MYH1: variants seen among roughly 807,000 people sequenced by gnomAD.
The protein encoded by MYH1 is myosin-1.
In MYH1, 214 loss-of-function variants were observed where a neutral mutation model predicts 225.6. The ratio of observed to expected loss-of-function variants is 0.95; its 90% confidence interval spans 0.85 to 1.06. The LOEUF is 1.06. Among genes scored for constraint, MYH1 ranks in the 50% least tolerant of loss-of-function variants. The pLI, the probability that MYH1 is intolerant of heterozygous loss-of-function variation, is 0.00. For missense variants in MYH1, 2,098 were observed against 2,344.2 expected (o/e 0.89, Z 2.17); for synonymous variants, 774 against 842.3 (o/e 0.92, Z 1.40).
At chr17:10,504,781 A>G in intron 22 of MYH1, 29 bp downstream of exon 22, 1 of 1,611,850 alleles carries the variant, frequency 6.2e-7, no homozygotes, top group Non-Finnish European at 8.5e-7. Context: ...TTAGCATCAG[A>G]TTGCAGGAAA....
Position 10,496,354 on chromosome 17 carries a change from G to A in MYH1, c.4852C>T (p.Leu1618Phe), listed in dbSNP as rs201498285. Residue 1618 changes from leucine to phenylalanine, a missense_variant, in exon 34 of 40, where the codon CTC (leucine) becomes TTC (phenylalanine). Physicochemically the swap from Leu to Phe is conservative, Grantham distance 22. Coordinates refer to ENST00000226207, the MANE Select transcript of MYH1 (RefSeq NM_005963.4). Reference protein sequence around the residue: ...EIRSRNDAIRLKKKMEGDLNE... With the variant: ...EIRSRNDAIRFKKKMEGDLNE... ...AGGTCTCCCTCCATCTTCTTCTTGAGCCTAATGGCATCATTCCTGCTCCTG... is the reference window on the plus strand; with the variant it reads ...AGGTCTCCCTCCATCTTCTTCTTGAACCTAATGGCATCATTCCTGCTCCTG... 10 of 1,613,990 alleles carry A rather than the reference G, an allele frequency of 6.2e-6. No individual in the cohort carries two copies. The highest frequency in any genetic ancestry group is 5.1e-6 in the Non-Finnish European group (6 of 1,180,018).
chr17:10,507,810 G>T, intron 17 of MYH1, 76 bp downstream of exon 17: 1 of 1,215,744 alleles, frequency 8.2e-7, no homozygotes, highest in South Asian at 1.3e-5. Flanking sequence ...TCCTTGCAAG[G>T]TTAGTTTTTT....
chr17:10,497,127 A>G lies in MYH1; in HGVS notation c.4598T>C (p.Ile1533Thr), dbSNP rs773410516. The G allele has an allele frequency of 3.1e-6, 5 of 1,613,614 alleles. No homozygotes were observed. Among genetic ancestry groups the G allele is most frequent in the South Asian group, 1.1e-5 (1 of 91,056 alleles). The change falls in exon 33 of 40, where the codon ATA becomes ACA. Residue 1533 changes from isoleucine to threonine, a missense_variant. Coordinates refer to ENST00000226207, the MANE Select transcript of MYH1 (RefSeq NM_005963.4). ...CTTTTCTTGCTCAACTTGCTTCTTT[A>G]TTTTTTCCAGTTCATGGATGCGCTT... Reference protein sequence around the residue: ...GGKRIHELEKIKKQVEQEKSE... With the variant: ...GGKRIHELEKTKKQVEQEKSE...
chr17:10,500,777 C>A, intron 27 of MYH1, 25 bp from the exon 28 acceptor site: 1 of 1,613,972 alleles, frequency 6.2e-7, no homozygotes, highest in Non-Finnish European at 8.5e-7. Flanking sequence ...TGGTAGAAGG[C>A]ATCTCAAGTA....
At chr17:10,503,314 T>G in intron 22 of MYH1, 66 bp from the exon 23 acceptor site, 3 of 1,576,642 alleles carry the variant, frequency 1.9e-6, no homozygotes, top group Non-Finnish European at 2.6e-6. Context: ...ATTTTATTAA[T>G]ATTTTGAAAC....
In MYH1 at chr17:10,516,568, A is replaced by C. The variant is rs772613952; in HGVS notation, c.75T>G (p.Ile25Met). 8.7e-6 allele frequency: 14 copies of C among 1,614,030 alleles called. No individual in the cohort carries two copies. Among genetic ancestry groups the C allele is most frequent in the Middle Eastern group, 3.3e-4 (2 of 6,084 alleles). ...CATCAAAAGGCTTGTTCTGGGCTTC[A>C]ATTCGCTCCCTTTCAGACTTTCGGA... ...PFLRKSERER[I>M]EAQNKPFDAK... Residue 25 changes from isoleucine (I) to methionine (M), a missense_variant, in exon 3 of 40, where the codon ATT (isoleucine) becomes ATG (methionine). Transcript: ENST00000226207.
At chr17:10,512,306 G>C in intron 12 of MYH1, 102 bp downstream of exon 12, 1 of 1,597,796 alleles carries the variant, frequency 6.3e-7, no homozygotes, top group Non-Finnish European at 8.6e-7. Context: ...GTACATCTGA[G>C]TATGTCCATC....
rs1258220170 is a variant in MYH1 at position 10,495,120 on chromosome 17, GA to G, written c.5296-20del. On this transcript the variant is annotated intron_variant, in intron 36 of 39. Coordinates refer to ENST00000226207, the MANE Select transcript of MYH1 (RefSeq NM_005963.4). ...TGGCAGCCTAATTAGCAGTAAAACA[GA>G]ATGGGTTAAGACAGCTAAGACAGCA... The G allele has an allele frequency of 6.2e-7, 1 of 1,614,044 alleles. No homozygotes were observed. Among genetic ancestry groups the G allele is most frequent in the African/African-American group, 1.3e-5 (1 of 74,910 alleles).
chr17:10,501,289 G>T lies in MYH1; in HGVS notation c.3559C>A (p.Leu1187Ile). 6.2e-7 allele frequency: 1 copy of T among 1,614,164 alleles called. No homozygotes were observed. Among genetic ancestry groups the T allele is most frequent in the Non-Finnish European group, 8.5e-7 (1 of 1,180,022 alleles). The change falls in exon 27 of 40, where the codon CTA becomes ATA. Residue 1187 changes from leucine to isoleucine, a missense_variant. Physicochemically the swap from Leu to Ile is conservative, Grantham distance 5. Transcript: ENST00000226207. The part of the protein sequence containing the change: ...KMRRDLEEAT[L>I]QHEATAATLR... ...GTGGCCGCCGTGGCTTCATGCTGTA[G>T]GGTGGCCTCCTCCAGGTCCCTGCGC...
chr17:10,494,637 T>C lies in MYH1; in HGVS notation c.5503A>G (p.Lys1835Glu). The C allele has an allele frequency of 6.2e-7, 1 of 1,614,134 alleles. No individual in the cohort carries two copies. The highest frequency in any genetic ancestry group is 8.5e-7 in the Non-Finnish European group (1 of 1,180,034). The change falls in exon 38 of 40, where the codon AAG (lysine) becomes GAG (glutamate). Residue 1835 changes from lysine to glutamate, a missense_variant. Lys to Glu is a moderately conservative substitution (Grantham distance 56, BLOSUM62 1). Coordinates refer to ENST00000226207, the MANE Select transcript of MYH1 (RefSeq NM_005963.4). ...CCCTTGACAGCTTCAACATTGCGCT[T>C]CTGTTCACTTTCAACTTCACCTTCA... is the stretch of plus-strand genomic sequence containing the variant. Reference protein sequence around the residue: ...ELEGEVESEQKRNVEAVKGLR... With the variant: ...ELEGEVESEQERNVEAVKGLR...
chr17:10,504,777 T>C (rs762905150), intron 22 of MYH1, 33 bp downstream of exon 22: 2 of 1,610,788 alleles, frequency 1.2e-6, no homozygotes, highest in South Asian at 2.2e-5. Flanking sequence ...AGTTTTAGCA[T>C]CAGATTGCAG....
At chr17:10,494,893 G>T (rs753166810) in intron 37 of MYH1, 38 bp downstream of exon 37, 1 of 1,614,050 alleles carries the variant, frequency 6.2e-7, no homozygotes, top group Non-Finnish European at 8.5e-7. Flanking sequence ...GTGTTGGATT[G>T]GAATGAGATA....
chr17:10,502,230 C>T (rs138252874), intron 24 of MYH1, among the ~76,000 whole-genome samples: 11 of 152,286 alleles, frequency 7.2e-5, no homozygotes, highest in East Asian at 5.8e-4. Flanking sequence ...ACTTTTTTAA[C>T]GCCTCCCTTA....
chr17:10,511,952 A>G lies in MYH1; in HGVS notation c.1303T>C (p.Tyr435His), dbSNP rs117790102. ...NAVGALAKAV[Y>H]DKMFLWMVTR... is the part of the protein sequence containing the mutation. ...ACCATCCACAAGAACATCTTATCGT[A>G]GACAGCTTTGGCCAGAGCACCCACT... The change falls in exon 14 of 40, where the codon TAC (tyrosine) becomes CAC (histidine). Residue 435 changes from tyrosine to histidine, a missense_variant. Transcript: ENST00000226207. The G allele has an allele frequency of 0.013, 20,824 of 1,614,170 alleles. 190 individuals are homozygous for G. Among genetic ancestry groups the G allele is most frequent in the Non-Finnish European group, 0.015 (17,897 of 1,180,016 alleles).
At position 10,501,913 on chromosome 17, in the gene MYH1, TAA is replaced by T; in HGVS notation, c.3112-4_3112-3del. 6.3e-7 allele frequency: 1 copy of T among 1,599,168 alleles called. No homozygotes were observed. The highest frequency in any genetic ancestry group is 1.2e-5 in the South Asian group (1 of 86,808). On this transcript the variant is annotated splice_region_variant and splice_polypyrimidine_tract_variant and intron_variant, in intron 24 of 39. Transcript: ENST00000226207. Reference sequence around the variant, plus strand: ...TTCTTGTTCCAAAGATCCTTCAAGCTAAAAGTTAATAATCCATGAATATGGTT... The same window carrying T: ...TTCTTGTTCCAAAGATCCTTCAAGCTAAGTTAATAATCCATGAATATGGTT...
intron 39 of MYH1, among the ~76,000 whole-genome samples, chr17:10,493,561 G>C (rs987423479): frequency 2.6e-5 from 4 of 152,188 alleles, no homozygotes; most frequent in Admixed American, 6.5e-5. Context: ...ACATAACCAA[G>C]ACCTTCTGAG....
Position 10,508,595 on chromosome 17 carries a change from C to T in MYH1, c.1665G>A (p.Leu555=), listed in dbSNP as rs1241578920. The part of the protein sequence containing the change: ...KATDTSFKNK[L]YEQHLGKSNN... ...TGGATTTTCCAAGATGTTGTTCATA[C>T]AGCTTGTTCTTGAAGGAGGTGTCTG... The change falls in exon 16 of 40, where the codon CTG becomes CTA. Residue 555 remains leucine (L), a synonymous_variant. Coordinates refer to ENST00000226207, the MANE Select transcript of MYH1 (RefSeq NM_005963.4). 6.2e-6 allele frequency: 10 copies of T among 1,614,218 alleles called. No individual in the cohort carries two copies. Among genetic ancestry groups the T allele is most frequent in the Non-Finnish European group, 7.6e-6 (9 of 1,180,038 alleles).
chr17:10,507,985 A>T (rs1465781962), intron 16 of MYH1, 29 bp from the exon 17 acceptor site: 1 of 1,561,032 alleles, frequency 6.4e-7, no homozygotes, highest in South Asian at 1.1e-5. Context: ...CAATCATAGG[A>T]CAGCCTTTCT....
chr17:10,498,805 T>G lies in MYH1; in HGVS notation c.4002A>C (p.Ala1334=), dbSNP rs1289114769. The change falls in exon 30 of 40, where the codon GCA becomes GCC. Residue 1334 remains alanine (A), a synonymous_variant. Transcript: ENST00000226207. ...EEEIKAKSAL[A]HALQSSRHDC... is the part of the protein sequence containing the mutation. ...CATGGCGGGAGGACTGCAGGGCATG[T>G]GCCAGGGCACTCTTGGCCTGAGAAC... The G allele has an allele frequency of 6.2e-7, 1 of 1,614,034 alleles. No homozygotes were observed. Among genetic ancestry groups the G allele is most frequent in the Non-Finnish European group, 8.5e-7 (1 of 1,179,986 alleles).
Sources: gnomAD v4.1 joint callset for allele counts (sites outside exome capture counted in the v4.1 genomes callset) on GRCh38, gnomAD v4.1.1 for gene constraint, MANE v1.5 for transcripts, NCBI Gene and HGNC (gene_info 2026-07-23, HGNC 2026-07-21) for gene names.